Variants in CELF2 observed in about 807,000 individuals in gnomAD.
CELF2 encodes CUGBP Elav-like family member 2.
CELF2 carries 8 observed loss-of-function variants against 62.6 expected under a neutral mutation model. The ratio of observed to expected loss-of-function variants is 0.13; its 90% confidence interval spans 0.07 to 0.23. The LOEUF is 0.23. Among genes scored for constraint, CELF2 ranks in the 10% least tolerant of loss-of-function variants. The probability of loss-of-function intolerance (pLI) is 1.00; values close to 1 mark genes in which losing one functional copy is unlikely to be tolerated. For missense variants in CELF2, 333 were observed against 671.0 expected, an observed-to-expected ratio of 0.50 and a Z score of 5.56; for synonymous variants, 258 against 250.0, an observed-to-expected ratio of 1.03 and a Z score of -0.30.
the CELF2 span, among the ~76,000 whole-genome samples, chr10:10,786,254 C>T: frequency 6.6e-6 from 1 of 152,126 alleles, no homozygotes; most frequent in African/African-American, 2.4e-5. Flanking sequence ...ATACATGCCT[C>T]ATCGTGCTTC....
chr10:11,232,183 CTTCCTGTGTCCATGTG>C (rs2068981449), intron 3 of CELF2, among the ~76,000 whole-genome samples: 1 of 152,140 alleles, frequency 6.6e-6, no homozygotes, highest in Non-Finnish European at 1.5e-5. Flanking sequence ...TGATGTTCCC[CTTCCTGTGTCCATGTG>C]TTCTCATTGT....
chr10:11,281,067 T>G (rs2088485140), intron 8 of CELF2, among the ~76,000 whole-genome samples: 1 of 151,712 alleles, frequency 6.6e-6, no homozygotes, highest in Admixed American at 6.6e-5. Flanking sequence ...CTTCTCCGTG[T>G]CCTCACTCCT....
intron 1 of CELF2, among the ~76,000 whole-genome samples, chr10:10,827,930 A>G (rs981073782): frequency 1.3e-5 from 2 of 151,568 alleles, no homozygotes. Context: ...TAGGGAATCA[A>G]TCAAAACCAT....
At chr10:10,769,744 ACAGAGCAAGACTC>A in the CELF2 span, among the ~76,000 whole-genome samples, 254 of 152,248 alleles carry the variant, frequency 1.7e-3, no homozygotes, top group African/African-American at 5.7e-3. Flanking sequence ...AGCCTGGGCG[ACAGAGCAAGACTC>A]CAACTCCAAA....
chr10:11,033,242 C>G (rs936342388), intron 1 of CELF2, among the ~76,000 whole-genome samples: 109 of 146,946 alleles, frequency 7.4e-4, no homozygotes, highest in African/African-American at 2.7e-3. Context: ...CAAATACTGT[C>G]TCAATGTTCA....
At position 10,947,729 on chromosome 10, in the gene CELF2, C is replaced by A. The variant is rs1478999922; in HGVS notation, c.89+27730C>A. Reference sequence around the variant, plus strand: ...ACCTTCAACTTTCTGCTTTCAAGGTCATGAGTAGCGTAAGAAGACACATAC... The same window carrying A: ...ACCTTCAACTTTCTGCTTTCAAGGTAATGAGTAGCGTAAGAAGACACATAC... On this transcript the variant is annotated intron_variant, in intron 2 of 13. Transcript: ENST00000636488. This position sits in a 1 kb window ranked among gnomAD's most constrained non-coding sequence, Gnocchi z 4.1. Among the ~76,000 whole-genome samples the A allele has an allele frequency of 2.0e-5, 3 of 152,126 alleles. No homozygotes were observed. The highest frequency in any genetic ancestry group is 4.4e-5 in the Non-Finnish European group (3 of 68,020).
At chr10:10,912,131 A>G (rs2063864932) in intron 1 of CELF2, among the ~76,000 whole-genome samples, 1 of 152,198 alleles carries the variant, frequency 6.6e-6, no homozygotes. Flanking sequence ...GAAAGAAATG[A>G]GCATAAGAAA....
At chr10:10,860,095 C>CTA (rs1258965577) in intron 1 of CELF2, among the ~76,000 whole-genome samples, 1 of 151,978 alleles carries the variant, frequency 6.6e-6, no homozygotes, top group African/African-American at 2.4e-5. Flanking sequence ...TATAAGATAG[C>CTA]TATATGGAAC....
chr10:10,696,609 C>T, the CELF2 span, among the ~76,000 whole-genome samples: 396 of 152,092 alleles, frequency 2.6e-3, 1 homozygote, highest in Middle Eastern at 3.4e-3. Flanking sequence ...AGCCTCGCTG[C>T]GGCCTTGCAG....
At chr10:10,482,856 A>C in the CELF2 span, among the ~76,000 whole-genome samples, 1 of 152,124 alleles carries the variant, frequency 6.6e-6, no homozygotes, top group Non-Finnish European at 1.5e-5. Context: ...CAGGTACTGG[A>C]TGACAAAGGA....
At chr10:10,694,652 T>TCTTTGTAGGTCA in the CELF2 span, among the ~76,000 whole-genome samples, 1 of 151,656 alleles carries the variant, frequency 6.6e-6, no homozygotes, top group African/African-American at 2.4e-5. Flanking sequence ...AGTCTAAGTC[T>TCTTTGTAGGTCA]CTTTGTAGGT....
intron 1 of CELF2, among the ~76,000 whole-genome samples, chr10:11,059,735 A>C (rs1205027862): frequency 2.0e-5 from 3 of 152,208 alleles, no homozygotes; most frequent in African/African-American, 7.2e-5. Context: ...GCGCAGCCTC[A>C]GGCACTGGAA....
In CELF2 at chr10:11,165,734, C is replaced by T. The variant is rs1430387844; in HGVS notation, c.271+52C>T. On this transcript the variant is annotated intron_variant, in intron 2 of 12. Transcript: ENST00000633077. This position sits in a 1 kb window ranked among gnomAD's most constrained non-coding sequence, Gnocchi z 7.4. ...AGGCGTCCAGGTGGGCGTCGCGGGGCACTGGGGCTGTCCGAGCCCCCAGCC... is the reference window on the plus strand; with the variant it reads ...AGGCGTCCAGGTGGGCGTCGCGGGGTACTGGGGCTGTCCGAGCCCCCAGCC... The T allele has an allele frequency of 4.6e-6, 7 of 1,519,408 alleles. No individual in the cohort carries two copies. Among genetic ancestry groups the T allele is most frequent in the African/African-American group, 1.4e-5 (1 of 72,456 alleles). The allele number at this position is 1,519,408 out of a possible 1,614,324, so 94.1% of individuals were successfully genotyped here.
chr10:11,066,738 G>A (rs750937822), intron 1 of CELF2, among the ~76,000 whole-genome samples: 41 of 152,130 alleles, frequency 2.7e-4, no homozygotes, highest in Non-Finnish European at 4.7e-4. Context: ...AGTGGTTGCT[G>A]CTTGTTGGGG....
chr10:11,258,767 G>A (rs1466766770), intron 5 of CELF2, among the ~76,000 whole-genome samples: 1 of 152,196 alleles, frequency 6.6e-6, no homozygotes, highest in African/African-American at 2.4e-5. Context: ...GCTCACTGCA[G>A]CCTCCACCTC....
intron 1 of CELF2, among the ~76,000 whole-genome samples, chr10:11,067,620 A>G (rs967777766): frequency 2.0e-5 from 3 of 152,242 alleles, no homozygotes; most frequent in Admixed American, 6.5e-5. Context: ...AAATTGGATC[A>G]TAGCTCTTTA....
At position 11,333,552 on chromosome 10, in the gene CELF2, T is replaced by A. The variant is rs1463222045; in HGVS notation, c.*4499T>A. ...TCTTAAGTGCTAATTAAAAAAAAAATAAAATTTTAAAAAAACCTGTAGTTT... is the reference window on the plus strand; with the variant it reads ...TCTTAAGTGCTAATTAAAAAAAAAAAAAAATTTTAAAAAAACCTGTAGTTT... On this transcript the variant is annotated 3_prime_UTR_variant, in exon 13 of 13. Coordinates refer to ENST00000633077, the MANE Select transcript of CELF2 (RefSeq NM_001326342.2). The A allele has an allele frequency of 6.6e-6, 1 of 152,150 alleles. No individual in the cohort carries two copies. The highest frequency in any genetic ancestry group is 2.4e-5 in the African/African-American group (1 of 41,400). The allele number at this position is 152,150 out of a possible 1,614,324, so 9.4% of individuals were successfully genotyped here. A position where few individuals can be genotyped will look rare whatever the true frequency, so the allele number is the denominator to read the frequency against.
At chr10:11,079,536 G>C (rs565844568) in intron 1 of CELF2, among the ~76,000 whole-genome samples, 1 of 152,270 alleles carries the variant, frequency 6.6e-6, no homozygotes, top group African/African-American at 2.4e-5. Flanking sequence ...GAGTTCTCAG[G>C]AGATGTGATG....
chr10:10,493,716 G>C, the CELF2 span, among the ~76,000 whole-genome samples: 2 of 152,004 alleles, frequency 1.3e-5, no homozygotes, highest in Non-Finnish European at 2.9e-5. Context: ...ATGTTTTGTA[G>C]AGAGAGGGTT....
Sources: gnomAD v4.1 joint callset for allele counts (sites outside exome capture counted in the v4.1 genomes callset) on GRCh38, gnomAD v4.1.1 for gene constraint, Gnocchi (gnomAD v3.1) non-coding constraint, MANE v1.5 for transcripts, NCBI Gene and HGNC (gene_info 2026-07-23, HGNC 2026-07-21) for gene names.